GPR15LG: variants seen among roughly 807,000 people sequenced by gnomAD.
GPR15LG encodes the protein protein GPR15LG.
the GPR15LG span, among the ~76,000 whole-genome samples, chr10:84,180,034 G>A: frequency 0.24 from 35,810 of 152,018 alleles, 4,645 homozygotes; most frequent in African/African-American, 0.35. Flanking sequence ...GCCACCTTCC[G>A]CAGTGTTTGT....
chr10:84,184,943 T>A, the GPR15LG span: 6 of 1,455,982 alleles, frequency 4.1e-6, no homozygotes, highest in African/African-American at 8.7e-5. Context: ...TTGTCTCAAT[T>A]GTGCCATCAA....
At chr10:84,183,266 AC>A in the GPR15LG span, among the ~76,000 whole-genome samples, 2 of 152,218 alleles carry the variant, frequency 1.3e-5, no homozygotes, top group Non-Finnish European at 2.9e-5. Context: ...AGGTTAAGTA[AC>A]TTGTTGAAGG....
the GPR15LG span, among the ~76,000 whole-genome samples, chr10:84,175,344 A>G: frequency 6.6e-6 from 1 of 152,218 alleles, no homozygotes; most frequent in Admixed American, 6.5e-5. Flanking sequence ...CAATTAAATG[A>G]GGATAGATAC....
chr10:84,184,867 C>A, the GPR15LG span: 1 of 1,546,550 alleles, frequency 6.5e-7, no homozygotes, highest in Non-Finnish European at 8.7e-7. Flanking sequence ...CAGCAGTGAG[C>A]TGCAATGTTG....
At chr10:84,178,761 T>G in the GPR15LG span, among the ~76,000 whole-genome samples, 5 of 152,228 alleles carry the variant, frequency 3.3e-5, 1 homozygote, top group Non-Finnish European at 5.9e-5. Flanking sequence ...TAAATCTAGG[T>G]GTGTGGCTTC....
the GPR15LG span, chr10:84,184,922 A>G: frequency 5.4e-6 from 8 of 1,476,126 alleles, no homozygotes; most frequent in Admixed American, 2.8e-5. Flanking sequence ...AAGTTCCAGA[A>G]CTCCACGTCC....
At chr10:84,176,119 C>T in the GPR15LG span, among the ~76,000 whole-genome samples, 1 of 152,110 alleles carries the variant, frequency 6.6e-6, no homozygotes, top group East Asian at 1.9e-4. Flanking sequence ...AACACTCGAC[C>T]TCAAGTGATC....
the GPR15LG span, among the ~76,000 whole-genome samples, chr10:84,178,340 CACAT>C: frequency 6.6e-6 from 1 of 151,946 alleles, no homozygotes; most frequent in Admixed American, 6.6e-5. Flanking sequence ...CAATCATACA[CACAT>C]AGACACATGC....
the GPR15LG span, among the ~76,000 whole-genome samples, chr10:84,178,214 C>T: frequency 6.6e-6 from 1 of 151,698 alleles, no homozygotes; most frequent in African/African-American, 2.4e-5. Context: ...ATGCACTCTA[C>T]ACACACACAC....
At chr10:84,177,663 G>C in the GPR15LG span, among the ~76,000 whole-genome samples, 1 of 152,150 alleles carries the variant, frequency 6.6e-6, no homozygotes, top group Non-Finnish European at 1.5e-5. Context: ...TTCCAAACTG[G>C]CATCACACCC....
chr10:84,181,179 G>A, the GPR15LG span, among the ~76,000 whole-genome samples: 1 of 140,040 alleles, frequency 7.1e-6, no homozygotes, highest in Admixed American at 6.9e-5. Flanking sequence ...GGGAGACCGT[G>A]CAAAGAGGAG....
chr10:84,184,586 A>G, the GPR15LG span: 3 of 1,254,382 alleles, frequency 2.4e-6, no homozygotes, highest in South Asian at 1.2e-5. Flanking sequence ...TGAAAATGCA[A>G]CTTAATTGTG....
the GPR15LG span, chr10:84,176,469 T>G: frequency 6.2e-7 from 1 of 1,601,508 alleles, no homozygotes; most frequent in Non-Finnish European, 8.6e-7. Context: ...TTCCTTTGTG[T>G]CCACCCTCAG....
the GPR15LG span, chr10:84,185,199 C>G: frequency 2.3e-6 from 1 of 443,038 alleles, no homozygotes; most frequent in African/African-American, 2.2e-5. Flanking sequence ...CAGTGGTCCC[C>G]AAGGAATCCC....
At chr10:84,176,960 G>A in the GPR15LG span, among the ~76,000 whole-genome samples, 1 of 152,136 alleles carries the variant, frequency 6.6e-6, no homozygotes, top group African/African-American at 2.4e-5. Context: ...GGGTATGGAA[G>A]ACAGATGGTA....
the GPR15LG span, among the ~76,000 whole-genome samples, chr10:84,176,931 A>G: frequency 1.3e-5 from 2 of 152,034 alleles, no homozygotes; most frequent in Non-Finnish European, 2.9e-5. Flanking sequence ...GGAGGCAGCA[A>G]GGGTGAAGGG....
chr10:84,176,332 G>T, the GPR15LG span: 1 of 681,464 alleles, frequency 1.5e-6, no homozygotes. Context: ...TCACAACAAG[G>T]CCCACTCTTT....
the GPR15LG span, chr10:84,176,552 A>G: frequency 1.5e-5 from 25 of 1,613,540 alleles, no homozygotes; most frequent in African/African-American, 3.2e-4. Context: ...CCTAGCCCCA[A>G]CTCAACAAAC....
the GPR15LG span, chr10:84,174,004 G>A: frequency 2.7e-6 from 3 of 1,096,604 alleles, no homozygotes; most frequent in South Asian, 1.2e-5. Context: ...TGGAGGGCAG[G>A]CCTTGGCGGG....
Sources: allele counts gnomAD v4.1 joint callset (sites outside exome capture counted in the v4.1 genomes callset), GRCh38; gene constraint gnomAD v4.1.1; transcripts MANE v1.5; gene names NCBI Gene and HGNC (gene_info 2026-07-23, HGNC 2026-07-21).